The following JCAD variants were observed in gnomAD, a reference collection of about 807,000 sequenced individuals.
JCAD encodes the protein junctional cadherin 5-associated protein.
A neutral mutation model predicts 98.0 loss-of-function variants in JCAD; 40 were observed. The ratio of observed to expected loss-of-function variants is 0.41; its 90% confidence interval spans 0.32 to 0.53. The LOEUF is 0.53. Among genes scored for constraint, JCAD ranks in the 20% least tolerant of loss-of-function variants. The probability of loss-of-function intolerance (pLI) is 0.31; values close to 1 mark genes in which losing one functional copy is unlikely to be tolerated. For missense variants in JCAD, 1,705 were observed against 1,738.1 expected, an observed-to-expected ratio of 0.98 and a Z score of 0.34; for synonymous variants, 691 against 682.3, an observed-to-expected ratio of 1.01 and a Z score of -0.20.
In JCAD at chr10:30,027,090, G is replaced by A. The variant is rs1564442039; in HGVS notation, c.3058C>T (p.Arg1020Trp). ...SSVKPSEAVPRKFDSGGERGA... is the reference protein window; with the variant it reads ...SSVKPSEAVPWKFDSGGERGA... Reference sequence around the variant, plus strand: ...CTCTCTCCACCACTGTCAAACTTCCGAGGGACCGCTTCACTTGGTTTCACA... The same window carrying A: ...CTCTCTCCACCACTGTCAAACTTCCAAGGGACCGCTTCACTTGGTTTCACA... The change falls in exon 3 of 4, where the codon CGG becomes TGG. Residue 1020 changes from arginine to tryptophan, a missense_variant. Physicochemically the swap from Arg to Trp is moderately radical, Grantham distance 101 (BLOSUM62 -3). This residue lies in a region of JCAD where 1,278 missense variants were observed against 1,243.1 expected (regional missense o/e 1.03). Transcript: ENST00000375377. The A allele has an allele frequency of 1.9e-6, 3 of 1,614,210 alleles. No homozygotes were observed. Among genetic ancestry groups the A allele is most frequent in the East Asian group, 4.5e-5 (2 of 44,882 alleles).
intron 1 of JCAD, among the ~76,000 whole-genome samples, chr10:30,088,678 T>A (rs1298204362): frequency 2.6e-5 from 4 of 152,090 alleles, no homozygotes; most frequent in Non-Finnish European, 5.9e-5. Context: ...CCAAAAATAA[T>A]GCTCATTGGC....
At chr10:30,113,458 G>A (rs1838740344) in intron 1 of JCAD, among the ~76,000 whole-genome samples, 1 of 147,320 alleles carries the variant, frequency 6.8e-6, no homozygotes, top group Admixed American at 7.0e-5. Flanking sequence ...GGCTGAGGGA[G>A]GAGAATCGCT....
At chr10:30,093,541 G>A (rs1838318854) in intron 1 of JCAD, among the ~76,000 whole-genome samples, 1 of 152,224 alleles carries the variant, frequency 6.6e-6, no homozygotes, top group South Asian at 2.1e-4. Context: ...CTGGCTCGCT[G>A]CATTAATGAT....
At chr10:30,049,064 G>A (rs774843462) in intron 1 of JCAD, among the ~76,000 whole-genome samples, 4 of 152,172 alleles carry the variant, frequency 2.6e-5, no homozygotes, top group Non-Finnish European at 4.4e-5. Context: ...ACCTACCTAC[G>A]AGCAAAAGAG....
chr10:30,110,570 G>A (rs1215644818), intron 1 of JCAD, among the ~76,000 whole-genome samples: 1 of 151,342 alleles, frequency 6.6e-6, no homozygotes, highest in African/African-American at 2.4e-5. Flanking sequence ...TGATGTATAG[G>A]CCAGTTGACA....
rs1338421657 is a variant in JCAD at position 30,017,173 on chromosome 10, G to C, written c.*710C>G. On this transcript the variant is annotated 3_prime_UTR_variant, in exon 4 of 4. Transcript: ENST00000375377. Reference sequence around the variant, plus strand: ...AATACCCATACAGAAAATAAAAATAGATAATACTGAGTGCAAAGCAGACAA... The same window carrying C: ...AATACCCATACAGAAAATAAAAATACATAATACTGAGTGCAAAGCAGACAA... 6.6e-6 allele frequency: 1 copy of C among 152,126 alleles called. No individual in the cohort carries two copies. Among genetic ancestry groups the C allele is most frequent in the Non-Finnish European group, 1.5e-5 (1 of 68,020 alleles). 9.4% of individuals were successfully genotyped at this position (152,126 alleles called of 1,614,324 possible).
At chr10:30,065,570 C>T (rs968257756) in intron 2 of JCAD, among the ~76,000 whole-genome samples, 16 of 152,026 alleles carry the variant, frequency 1.1e-4, no homozygotes, top group Admixed American at 6.6e-5. Context: ...GGTGTGATCA[C>T]AGCTCACTGC....
At chr10:30,054,378 A>T (rs1311911084) in intron 1 of JCAD, among the ~76,000 whole-genome samples, 1 of 152,138 alleles carries the variant, frequency 6.6e-6, no homozygotes. Context: ...AGGTCCAATC[A>T]TATGAAATTG....
chr10:30,089,181 A>G (rs553880985), intron 1 of JCAD, among the ~76,000 whole-genome samples: 4 of 152,122 alleles, frequency 2.6e-5, no homozygotes, highest in East Asian at 3.9e-4. Context: ...GGTAAATTCA[A>G]TTTCCCACTA....
At chr10:30,054,825 T>A (rs954161628) in intron 1 of JCAD, among the ~76,000 whole-genome samples, 42 of 151,650 alleles carry the variant, frequency 2.8e-4, no homozygotes, top group Non-Finnish European at 5.3e-4. Context: ...GCCCGCCACC[T>A]CGCCCGGCTA....
chr10:30,092,596 G>A (rs1200060693), intron 1 of JCAD, among the ~76,000 whole-genome samples: 1 of 152,160 alleles, frequency 6.6e-6, no homozygotes, highest in Non-Finnish European at 1.5e-5. Context: ...CACACGATGA[G>A]TCGCTTAGAG....
chr10:30,060,636 GC>G (rs1837682744), upstream of JCAD, among the ~76,000 whole-genome samples: 1 of 152,136 alleles, frequency 6.6e-6, no homozygotes, highest in African/African-American at 2.4e-5. Context: ...AAACTACTTA[GC>G]CACATCATGA....
chr10:30,069,344 T>C (rs532008086), intron 2 of JCAD, among the ~76,000 whole-genome samples: 11 of 146,714 alleles, frequency 7.5e-5, no homozygotes, highest in African/African-American at 2.3e-4. Flanking sequence ...ATACCTGTAA[T>C]CCCAACATTT....
At chr10:30,107,370 G>C (rs1838604546) in intron 1 of JCAD, among the ~76,000 whole-genome samples, 1 of 152,188 alleles carries the variant, frequency 6.6e-6, no homozygotes, top group African/African-American at 2.4e-5. Flanking sequence ...CTCATTATAT[G>C]CTAATTATAC....
chr10:30,060,137 G>A (rs765399473), upstream of JCAD, among the ~76,000 whole-genome samples: 2 of 150,922 alleles, frequency 1.3e-5, no homozygotes, highest in African/African-American at 2.4e-5. Context: ...ACACACAAAC[G>A]CACCCACATA....
chr10:30,086,574 C>T (rs1375228251), intron 1 of JCAD, among the ~76,000 whole-genome samples: 1 of 152,156 alleles, frequency 6.6e-6, no homozygotes, highest in East Asian at 1.9e-4. Flanking sequence ...TAATTGCCAC[C>T]CACCCTGGGT....
At chr10:30,088,517 G>A (rs1838203678) in intron 1 of JCAD, among the ~76,000 whole-genome samples, 1 of 152,114 alleles carries the variant, frequency 6.6e-6, no homozygotes, top group Admixed American at 6.5e-5. Flanking sequence ...GCAAGATAAA[G>A]GCCCTGATTC....
intron 1 of JCAD, among the ~76,000 whole-genome samples, chr10:30,092,129 A>T (rs867052450): frequency 0.025 from 1,157 of 46,124 alleles, 61 homozygotes; most frequent in African/African-American, 0.074. Flanking sequence ...TATATATAAA[A>T]AACATTTTAA....
intron 3 of JCAD, among the ~76,000 whole-genome samples, chr10:30,022,348 C>T (rs1319501733): frequency 6.6e-6 from 1 of 152,086 alleles, no homozygotes; most frequent in Non-Finnish European, 1.5e-5. Context: ...AATTTAGGAG[C>T]AATGAAGCAG....
Sources: gnomAD v4.1 joint callset for allele counts (sites outside exome capture counted in the v4.1 genomes callset) on GRCh38, gnomAD v4.1.1 for gene constraint, gnomAD v4.1.1 regional missense constraint, MANE v1.5 for transcripts, NCBI Gene and HGNC (gene_info 2026-07-23, HGNC 2026-07-21) for gene names.